The following RIMS2 variants were observed in gnomAD, a reference collection of about 807,000 sequenced individuals.
RIMS2 encodes the protein regulating synaptic membrane exocytosis 2.
A neutral mutation model predicts 174.4 loss-of-function variants in RIMS2; 59 were observed. The observed-to-expected ratio is 0.34, with a 90% confidence interval of 0.27 to 0.42. The LOEUF is 0.42. Ranked by LOEUF, RIMS2 falls within the 10% of genes least tolerant of loss-of-function variation. The pLI, the probability that RIMS2 is intolerant of heterozygous loss-of-function variation, is 1.00. For synonymous variants in RIMS2, 606 were observed against 572.5 expected (o/e 1.06, Z -0.84); for missense variants, 1,620 against 1,666.3 (o/e 0.97, Z 0.48).
chr8:104,041,275 T>C, intron 19 of RIMS2, 51 bp from the exon 22 acceptor site: 1 of 627,148 alleles, frequency 1.6e-6, no homozygotes, highest in East Asian at 2.8e-5. Context: ...GTACATCCAC[T>C]CACTCCCATC....
chr8:103,530,594 A>G (rs1208799049), intron 1 of RIMS2, among the ~76,000 whole-genome samples: 3 of 152,194 alleles, frequency 2.0e-5, no homozygotes, highest in African/African-American at 7.2e-5. Context: ...AGCGTTAAGC[A>G]AAAGAAATCT....
chr8:103,865,445 C>T (rs560934282), intron 3 of RIMS2, among the ~76,000 whole-genome samples: 2 of 151,944 alleles, frequency 1.3e-5, no homozygotes, highest in African/African-American at 4.8e-5. Flanking sequence ...CCACCACACC[C>T]AGCTAATTTC....
chr8:103,783,165 C>T (rs550381520), intron 3 of RIMS2, among the ~76,000 whole-genome samples: 1 of 152,050 alleles, frequency 6.6e-6, no homozygotes, highest in Non-Finnish European at 1.5e-5. Context: ...TGACAGAATT[C>T]ACTGCCTTGC....
intron 1 of RIMS2, among the ~76,000 whole-genome samples, chr8:103,632,112 T>G (rs1413314475): frequency 6.6e-6 from 1 of 152,170 alleles, no homozygotes; most frequent in Non-Finnish European, 1.5e-5. Flanking sequence ...TATATGCATT[T>G]TATTTCTTTC....
intron 2 of RIMS2, among the ~76,000 whole-genome samples, chr8:103,704,545 T>A (rs948444382): frequency 6.6e-6 from 1 of 152,098 alleles, no homozygotes; most frequent in Non-Finnish European, 1.5e-5. Context: ...GTAGGATTGG[T>A]ATTAATTCTT....
chr8:103,652,989 A>AAT (rs1024317326), intron 1 of RIMS2, among the ~76,000 whole-genome samples: 59 of 152,302 alleles, frequency 3.9e-4, no homozygotes, highest in African/African-American at 1.4e-3. Context: ...CCAACAATGC[A>AAT]ATATATAACT....
rs143248297 is a variant in RIMS2 at position 103,951,911 on chromosome 8, G to C, written c.2701+8985G>C. The stretch of plus-strand genomic sequence containing the variant: ...GTTCTACCTGGGACGCTTGAGCTTG[G>C]TGTGGGGAGTTGCATCCACCATTGC... On this transcript the variant is annotated intron_variant, in intron 14 of 23. Transcript: ENST00000504942. Among the ~76,000 whole-genome samples the C allele has an allele frequency of 9.1e-3, 1,388 of 152,324 alleles. 84 individuals carry two copies. The highest frequency in any genetic ancestry group is 0.083 in the Admixed American group (1,272 of 15,294).
At chr8:104,071,071 CA>C (rs2097187512) in intron 19 of RIMS2, among the ~76,000 whole-genome samples, 1 of 152,078 alleles carries the variant, frequency 6.6e-6, no homozygotes, top group African/African-American at 2.4e-5. Context: ...ACAATAAAGA[CA>C]AGTTTCTTAG....
intron 1 of RIMS2, among the ~76,000 whole-genome samples, chr8:103,576,274 G>A (rs1262609314): frequency 6.6e-6 from 1 of 152,168 alleles, no homozygotes; most frequent in Non-Finnish European, 1.5e-5. Flanking sequence ...AACGGTGGCA[G>A]CAACATGGCA....
chr8:104,070,102 G>C (rs1301984492), intron 19 of RIMS2, among the ~76,000 whole-genome samples: 1 of 152,140 alleles, frequency 6.6e-6, no homozygotes, highest in African/African-American at 2.4e-5. Context: ...AACTAATTAA[G>C]TAAAGCATAA....
chr8:103,851,688 C>CACAT (rs1268595852), intron 3 of RIMS2, among the ~76,000 whole-genome samples: 1 of 133,544 alleles, frequency 7.5e-6, no homozygotes, highest in African/African-American at 2.8e-5. Context: ...CACACACACA[C>CACAT]ACACAGGCAA....
intron 19 of RIMS2, among the ~76,000 whole-genome samples, chr8:104,164,199 G>A (rs1037996478): frequency 2.3e-5 from 2 of 86,334 alleles, no homozygotes; most frequent in Non-Finnish European, 4.7e-5. Context: ...TTTCCTGTGT[G>A]AAAGGAAAGA....
In RIMS2 at chr8:103,610,806, G is replaced by A. The variant is rs535447743; in HGVS notation, c.177-86280G>A. 7.4e-4 allele frequency among the ~76,000 whole-genome samples: 112 copies of A among 152,162 alleles called. 1 individual carries two copies. Among genetic ancestry groups the A allele is most frequent in the African/African-American group, 2.4e-3 (99 of 41,528 alleles). On this transcript the variant is annotated intron_variant, in intron 1 of 23. Transcript: ENST00000504942. ...GGAAATTTTCTTTTGTCATGTGTCTGCCATGTTTTGGTATCAGGATAATGC... is the reference window on the plus strand; with the variant it reads ...GGAAATTTTCTTTTGTCATGTGTCTACCATGTTTTGGTATCAGGATAATGC...
At chr8:103,567,148 T>C (rs35142991) in intron 1 of RIMS2, among the ~76,000 whole-genome samples, 17,665 of 152,290 alleles carry the variant, frequency 0.12, 1,366 homozygotes, top group Non-Finnish European at 0.17. Flanking sequence ...TGTCATAACA[T>C]GTGTCAGTAC....
chr8:103,934,298 G>C (rs1189890091), intron 12 of RIMS2, among the ~76,000 whole-genome samples: 3 of 151,648 alleles, frequency 2.0e-5, no homozygotes, highest in African/African-American at 7.3e-5. Flanking sequence ...TTATAATTAG[G>C]CTTTTATTTT....
chr8:104,130,162 A>C (rs2098463154), intron 19 of RIMS2, among the ~76,000 whole-genome samples: 1 of 152,350 alleles, frequency 6.6e-6, no homozygotes, highest in Non-Finnish European at 1.5e-5. Flanking sequence ...TCCAAATGCC[A>C]TGAGGGCAAA....
At chr8:103,553,301 A>G (rs1848897432) in intron 1 of RIMS2, among the ~76,000 whole-genome samples, 1 of 152,194 alleles carries the variant, frequency 6.6e-6, no homozygotes. Context: ...TTGTAGGGAC[A>G]TGGATGAAGC....
intron 1 of RIMS2, among the ~76,000 whole-genome samples, chr8:103,619,870 G>A (rs936703966): frequency 1.1e-4 from 17 of 152,068 alleles, no homozygotes; most frequent in Admixed American, 2.0e-4. Flanking sequence ...CAAGATGTAT[G>A]TACATAGCTG....
intron 19 of RIMS2, among the ~76,000 whole-genome samples, chr8:104,113,485 T>C (rs1199582704): frequency 6.6e-6 from 1 of 152,118 alleles, no homozygotes; most frequent in Non-Finnish European, 1.5e-5. Context: ...ATTAGAAAGA[T>C]ATTAATTTTA....
Sources: gnomAD v4.1 joint callset for allele counts (sites outside exome capture counted in the v4.1 genomes callset) on GRCh38, gnomAD v4.1.1 for gene constraint, MANE v1.5 for transcripts, NCBI Gene and HGNC (gene_info 2026-07-23, HGNC 2026-07-21) for gene names.